Variants in COL5A3 observed in about 807,000 individuals in gnomAD.
COL5A3 encodes the protein collagen type V alpha 3 chain.
Under a neutral mutation model 250.0 loss-of-function variants are expected in COL5A3, and 172 were observed. The observed-to-expected ratio is 0.69, with a 90% confidence interval of 0.61 to 0.78. The LOEUF (loss-of-function observed/expected upper bound fraction) is 0.78, where lower values mean the gene tolerates loss of function less well. Ranked by LOEUF, COL5A3 falls within the 30% of genes least tolerant of loss-of-function variation. The probability of loss-of-function intolerance (pLI) is 0.00; values close to 1 mark genes in which losing one functional copy is unlikely to be tolerated. For missense variants in COL5A3, 2,340 were observed against 2,334.4 expected, an observed-to-expected ratio of 1.00 and a Z score of -0.05; for synonymous variants, 937 against 900.4, an observed-to-expected ratio of 1.04 and a Z score of -0.73.
In COL5A3 at chr19:9,979,874, C is replaced by T. The variant is rs941884713; in HGVS notation, c.2677G>A (p.Gly893Arg). The T allele has an allele frequency of 6.4e-7, 1 of 1,574,424 alleles. No individual in the cohort carries two copies. Among genetic ancestry groups the T allele is most frequent in the African/African-American group, 1.4e-5 (1 of 72,258 alleles). The change falls in exon 37 of 67, where the codon GGG (glycine) becomes AGG (arginine). Residue 893 changes from glycine (G) to arginine (R), a missense_variant. Gly to Arg is a moderately radical substitution (Grantham distance 125). Transcript: ENST00000264828. ...CTCTGTCCAGGGTGCCCTGGTCGCC[C>T]ATCTTTACCTTGGTGACCCTGGGGG... ...KGPPGHQGKDGRPGHPGQRGE... is the reference protein window; with the variant it reads ...KGPPGHQGKDRRPGHPGQRGE...
chr19:9,992,071 A>G, intron 21 of COL5A3, 23 bp from the exon 22 acceptor site: 1 of 1,611,602 alleles, frequency 6.2e-7, no homozygotes, highest in South Asian at 1.1e-5. Context: ...AGGATGTGAG[A>G]CCAAGACAGA....
At position 9,998,190 on chromosome 19, in the gene COL5A3, A is replaced by G. The variant is rs202115522; in HGVS notation, c.1111-41T>C. On this transcript the variant is annotated intron_variant, in intron 8 of 66. Transcript: ENST00000264828. Reference sequence around the variant, plus strand: ...GGGAGATGGAGAGAAAAGAGATGTGAACTTGGACATAAGCCCTTCAGTTAT... The same window carrying G: ...GGGAGATGGAGAGAAAAGAGATGTGGACTTGGACATAAGCCCTTCAGTTAT... 10 of 1,577,252 alleles carry G rather than the reference A, an allele frequency of 6.3e-6. No homozygotes were observed. The East Asian group carries it at 2.0e-4, about 32-fold the overall frequency.
At chr19:9,965,060 A>C (rs939144849) in intron 64 of COL5A3, among the ~76,000 whole-genome samples, 8 of 151,634 alleles carry the variant, frequency 5.3e-5, no homozygotes, top group Admixed American at 1.3e-4. Flanking sequence ...CACACACACA[A>C]AAACAAAACA....
Position 9,991,989 on chromosome 19 carries a change from G to A in COL5A3, c.1893+15C>T. The A allele has an allele frequency of 6.2e-7, 1 of 1,609,392 alleles. No homozygotes were observed. Among genetic ancestry groups the A allele is most frequent in the Non-Finnish European group, 8.5e-7 (1 of 1,175,854 alleles). On this transcript the variant is annotated intron_variant, in intron 22 of 66. Coordinates refer to ENST00000264828, the MANE Select transcript of COL5A3 (RefSeq NM_015719.4). The stretch of plus-strand genomic sequence containing the variant: ...TGTCAGAAGGGTCAGAGGTCAAAGG[G>A]CACAGGGCACATACCACATTGCCTT...
chr19:9,997,159 CAAAAGAAG>C lies in COL5A3; in HGVS notation c.1263+204_1263+211del, dbSNP rs1420815618. ...AAAGACACTCAGAAACAGAGACAGG[CAAAAGAAG>C]AAAAGCAAAGAGTAGGCCCCAGCAA... On this transcript the variant is annotated intron_variant, in intron 11 of 66. Transcript: ENST00000264828. The C allele has an allele frequency of 5.0e-5, 30 of 601,764 alleles. No individual in the cohort carries two copies. In the East Asian group the frequency reaches 8.5e-4, roughly 17 times the overall value. 37.3% of individuals were successfully genotyped at this position (601,764 alleles called of 1,614,324 possible).
At chr19:9,964,746 C>T (rs908577883) in intron 64 of COL5A3, among the ~76,000 whole-genome samples, 5 of 151,520 alleles carry the variant, frequency 3.3e-5, no homozygotes, top group African/African-American at 1.2e-4. Context: ...CCCTGCAGGC[C>T]AGGTGCGGTG....
At chr19:9,999,108 G>A (rs1006468431) in intron 8 of COL5A3, among the ~76,000 whole-genome samples, 11 of 144,720 alleles carry the variant, frequency 7.6e-5, no homozygotes, top group African/African-American at 2.8e-4. Context: ...TATTGCCCAG[G>A]CAGGCTTTTC....
rs57037583 is a variant in COL5A3 at position 9,964,854 on chromosome 19, TAAAAAAAAAAAAAAAAAAAAAAAAAAA to T, written c.4782+1433_4782+1459del. On this transcript the variant is annotated intron_variant, in intron 64 of 66. Coordinates refer to ENST00000264828, the MANE Select transcript of COL5A3 (RefSeq NM_015719.4). The stretch of plus-strand genomic sequence containing the variant: ...CAACGTAGTGAAACCCCATCTCTAC[TAAAAAAAAAAAAAAAAAAAAAAAAAAA>T]AAAAAAAAAAAAAAAAAATCAGCTG... 1.0e-3 allele frequency among the ~76,000 whole-genome samples: 50 copies of T among 49,008 alleles called. 3 individuals are homozygous for T. The East Asian group carries it at 0.022, about 22-fold the overall frequency. 32.2% of individuals were successfully genotyped at this position (49,008 alleles called of 152,430 possible). A position where few individuals can be genotyped will look rare whatever the true frequency, so the allele number is the denominator to read the frequency against.
chr19:9,966,627 C>A lies in COL5A3; in HGVS notation c.4578G>T (p.Glu1526Asp). The A allele has an allele frequency of 6.5e-7, 1 of 1,538,826 alleles. No homozygotes were observed. Among genetic ancestry groups the A allele is most frequent in the Non-Finnish European group, 8.7e-7 (1 of 1,146,980 alleles). Residue 1526 changes from glutamate (E) to aspartate (D), a missense_variant, in exon 63 of 67, where the codon GAG (glutamate) becomes GAT (aspartate). Glu to Asp is a conservative substitution (Grantham distance 45, BLOSUM62 2). Around this residue, in one of 3 missense-constraint regions of COL5A3, gnomAD observed 1,179 missense variants for 1,162.6 expected, o/e 1.01. Coordinates refer to ENST00000264828, the MANE Select transcript of COL5A3 (RefSeq NM_015719.4). The stretch of plus-strand genomic sequence containing the variant: ...CGGGAGGACGCCGCAGCTGCTCCAG[C>A]TCCAAGCTCAGCGATGTGAGCGAGG... Reference protein sequence around the residue: ...VLASLTSLSLELEQLRRPPGT... With the variant: ...VLASLTSLSLDLEQLRRPPGT...
At chr19:9,995,301 G>A (rs775452681) in intron 16 of COL5A3, among the ~76,000 whole-genome samples, 8 of 152,040 alleles carry the variant, frequency 5.3e-5, no homozygotes, top group East Asian at 1.9e-4. Context: ...CTTTTTTGCC[G>A]TGCTGTTTCT....
rs757671228 is a variant in COL5A3 at position 9,980,668 on chromosome 19, G to T, written c.2584C>A (p.Pro862Thr). 1 of 1,613,814 alleles carries T rather than the reference G, an allele frequency of 6.2e-7. No homozygotes were observed. Among genetic ancestry groups the T allele is most frequent in the South Asian group, 1.1e-5 (1 of 91,064 alleles). ...CTCACCTTTTCTCCAGGGATCCCAG[G>T]GGCTCCATCCTGGCCCACATCGCCC... ...PKGDVGQDGA[P>T]GIPGEKGLPG... Residue 862 changes from proline (P) to threonine (T), a missense_variant, in exon 35 of 67, where the codon CCT becomes ACT. Around this residue, in one of 3 missense-constraint regions of COL5A3, gnomAD observed 1,152 missense variants for 1,146.3 expected, o/e 1.00. Transcript: ENST00000264828.
chr19:10,003,976 G>A (rs909076165), intron 5 of COL5A3, 65 bp downstream of exon 5: 62 of 1,307,136 alleles, frequency 4.7e-5, no homozygotes, highest in Non-Finnish European at 6.6e-5. Flanking sequence ...TCTTTCTAGG[G>A]ATCTGGAGCC....
rs1313064990 is a variant in COL5A3 at position 10,006,144 on chromosome 19, G to A, written c.176C>T (p.Pro59Leu). The change falls in exon 2 of 67, where the codon CCA becomes CTA. Residue 59 changes from proline to leucine, a missense_variant. This residue lies in a region of COL5A3 where 1,152 missense variants were observed against 1,146.3 expected (regional missense o/e 1.00). Coordinates refer to ENST00000264828, the MANE Select transcript of COL5A3 (RefSeq NM_015719.4). The stretch of plus-strand genomic sequence containing the variant: ...AATTCTGAATGCCCGGTCACCCTCT[G>A]GAGTCCTCTGGGGACAGAAGCCAGG... Reference protein sequence around the residue: ...EGPGFCPQRTPEGDRAFRIGQ... With the variant: ...EGPGFCPQRTLEGDRAFRIGQ... 3 of 1,612,604 alleles carry A rather than the reference G, an allele frequency of 1.9e-6. No homozygotes were observed. The Admixed American group carries it at 5.0e-5, about 27-fold the overall frequency.
chr19:10,005,918 G>C lies in COL5A3; in HGVS notation c.315C>G (p.Val105=). The change falls in exon 3 of 67, where the codon GTC becomes GTG. Residue 105 remains valine (V), a synonymous_variant. Coordinates refer to ENST00000264828, the MANE Select transcript of COL5A3 (RefSeq NM_015719.4). ...CCCTTTCATCATAAATGGACAGCAG[G>C]ACAGACTGATTGGCTGGCTGTCCCC... ...TLRGQPANQS[V]LLSIYDERGA... 1 of 1,614,056 alleles carries C rather than the reference G, an allele frequency of 6.2e-7. No individual in the cohort carries two copies. The highest frequency in any genetic ancestry group is 8.5e-7 in the Non-Finnish European group (1 of 1,180,008).
At chr19:9,977,498 T>A in intron 42 of COL5A3, 26 bp from the exon 43 acceptor site, 1 of 1,502,666 alleles carries the variant, frequency 6.7e-7, no homozygotes, top group Non-Finnish European at 8.9e-7. Flanking sequence ...GAAAGGGGGA[T>A]GTCAGGGCAG....
chr19:9,964,899 A>T (rs2086718867), intron 64 of COL5A3, among the ~76,000 whole-genome samples: 1 of 119,228 alleles, frequency 8.4e-6, no homozygotes, highest in Non-Finnish European at 1.7e-5. Flanking sequence ...AAAAAAAAAA[A>T]TCAGCTGGGC....
At chr19:9,985,770 G>T in intron 31 of COL5A3, 72 bp downstream of exon 31, 1 of 1,415,204 alleles carries the variant, frequency 7.1e-7, no homozygotes, top group Non-Finnish European at 9.9e-7. Flanking sequence ...CAAGACCACA[G>T]CCTGGACCCC....
rs764908282 is a variant in COL5A3, at chr19:9,974,387, G to A, written c.3364C>T (p.Arg1122Cys). The A allele has an allele frequency of 1.0e-5, 16 of 1,604,680 alleles. No individual in the cohort carries two copies. Among genetic ancestry groups the A allele is most frequent in the South Asian group, 4.5e-5 (4 of 89,538 alleles). Residue 1122 changes from arginine (R) to cysteine (C), a missense_variant, in exon 46 of 67, where the codon CGC becomes TGC. Around this residue, in one of 3 missense-constraint regions of COL5A3, gnomAD observed 1,179 missense variants for 1,162.6 expected, o/e 1.01. Transcript: ENST00000264828. ...CCAAAGAGGCCTGGGGGTCCCCGGC[G>A]CCCCTGAGCCCCGTCTGCTCCCTGG... ...GPPGADGAQGRRGPPGLFGQK... is the reference protein window; with the variant it reads ...GPPGADGAQGCRGPPGLFGQK...
intron 37 of COL5A3, 142 bp downstream of exon 37, chr19:9,979,697 A>T (rs541724297): frequency 1.2e-6 from 1 of 825,160 alleles, no homozygotes; most frequent in Non-Finnish European, 1.9e-6. Flanking sequence ...GAGGCAGGAG[A>T]ATTGCTTGAA....
Sources: allele counts gnomAD v4.1 joint callset (sites outside exome capture counted in the v4.1 genomes callset), GRCh38; gene constraint gnomAD v4.1.1; regional missense constraint gnomAD v4.1.1; transcripts MANE v1.5; gene names NCBI Gene and HGNC (gene_info 2026-07-23, HGNC 2026-07-21).